The following ERC1 variants were observed in gnomAD, a reference collection of about 807,000 sequenced individuals.
ERC1 encodes RAB6 interacting protein 2.
In ERC1, 56 loss-of-function variants were observed where a neutral mutation model predicts 132.0. The observed-to-expected ratio is 0.42, with a 90% CI of 0.34 to 0.53. The LOEUF (loss-of-function observed/expected upper bound fraction) is 0.53. ERC1 is among the 20% of genes least tolerant of loss of function. ERC1 has a pLI of 0.03. For synonymous variants in ERC1, 478 were observed against 476.1 expected (o/e 1.00, Z -0.05); for missense variants, 1,202 against 1,349.9 (o/e 0.89, Z 1.72).
intron 8 of ERC1, among the ~76,000 whole-genome samples, chr12:1,173,663 A>T (rs1191893105): frequency 6.6e-6 from 1 of 152,228 alleles, no homozygotes. Context: ...GGCATAATAC[A>T]TACTGAAATA....
At chr12:1,284,899 G>C (rs917621675) in intron 14 of ERC1, among the ~76,000 whole-genome samples, 4 of 152,128 alleles carry the variant, frequency 2.6e-5, no homozygotes, top group African/African-American at 9.7e-5. Context: ...TGGCCTCCTG[G>C]AATTACAGGC....
At chr12:1,379,480 C>T (rs1411445630) in intron 16 of ERC1, among the ~76,000 whole-genome samples, 2 of 152,178 alleles carry the variant, frequency 1.3e-5, no homozygotes, top group Non-Finnish European at 2.9e-5. Flanking sequence ...TTCCAGTTTC[C>T]GCCCACTACC....
At chr12:1,003,134 A>G (rs1369916995) in intron 1 of ERC1, among the ~76,000 whole-genome samples, 1 of 150,980 alleles carries the variant, frequency 6.6e-6, no homozygotes, top group East Asian at 1.9e-4. Context: ...AAAAAAAGAG[A>G]AAAGAAATGT....
chr12:1,416,502 T>C (rs2092125021), intron 17 of ERC1, among the ~76,000 whole-genome samples: 1 of 152,200 alleles, frequency 6.6e-6, no homozygotes, highest in African/African-American at 2.4e-5. Flanking sequence ...CACACTTCTG[T>C]TTTAATATTG....
intron 17 of ERC1, among the ~76,000 whole-genome samples, chr12:1,433,813 G>T (rs73597965): frequency 6.6e-6 from 1 of 151,994 alleles, no homozygotes; most frequent in African/African-American, 2.4e-5. Context: ...ATTGTATGTT[G>T]TGTATATTTG....
At chr12:1,092,791 T>C (rs1489159993) in intron 3 of ERC1, among the ~76,000 whole-genome samples, 1 of 152,112 alleles carries the variant, frequency 6.6e-6, no homozygotes, top group African/African-American at 2.4e-5. Context: ...CAAAACCCTG[T>C]CTCTACTAAA....
chr12:1,251,138 T>C (rs1365048366), intron 13 of ERC1, among the ~76,000 whole-genome samples: 1 of 152,154 alleles, frequency 6.6e-6, no homozygotes, highest in Admixed American at 6.5e-5. Context: ...TTTCTGAGAA[T>C]GAACACTACT....
At chr12:1,032,670 A>G (rs1041138881) in intron 2 of ERC1, among the ~76,000 whole-genome samples, 1 of 152,196 alleles carries the variant, frequency 6.6e-6, no homozygotes, top group Non-Finnish European at 1.5e-5. Flanking sequence ...TGCACCAGAT[A>G]AATGTTCAAA....
chr12:1,139,596 G>A (rs879941671), intron 7 of ERC1, among the ~76,000 whole-genome samples: 2 of 152,074 alleles, frequency 1.3e-5, no homozygotes, highest in Non-Finnish European at 2.9e-5. Flanking sequence ...ATTCTTCGAC[G>A]ACAAGGGGGG....
At chr12:1,275,974 T>C (rs2078232733) in intron 14 of ERC1, among the ~76,000 whole-genome samples, 2 of 152,216 alleles carry the variant, frequency 1.3e-5, no homozygotes, top group Non-Finnish European at 2.9e-5. Flanking sequence ...TTTATAATAT[T>C]ATTCAGTTGT....
At chr12:1,248,594 G>A (rs1262557459) in intron 13 of ERC1, among the ~76,000 whole-genome samples, 1 of 152,154 alleles carries the variant, frequency 6.6e-6, no homozygotes, top group Non-Finnish European at 1.5e-5. Context: ...GACCTTATAG[G>A]CCATGAAAAG....
intron 2 of ERC1, among the ~76,000 whole-genome samples, chr12:1,051,348 G>A (rs1289688261): frequency 2.0e-5 from 3 of 151,954 alleles, no homozygotes; most frequent in East Asian, 1.9e-4. Context: ...AGACTAAGAA[G>A]CATAAATTCA....
intron 7 of ERC1, among the ~76,000 whole-genome samples, chr12:1,134,527 T>C (rs1183258533): frequency 1.3e-5 from 2 of 151,952 alleles, no homozygotes; most frequent in African/African-American, 2.4e-5. Context: ...AAAAAAATTT[T>C]TTTTTGTAGA....
chr12:1,286,321 T>C (rs1399927830), intron 14 of ERC1, among the ~76,000 whole-genome samples: 3 of 147,742 alleles, frequency 2.0e-5, no homozygotes, highest in Non-Finnish European at 4.5e-5. Flanking sequence ...AGAAAACTAA[T>C]TACTATAATC....
At chr12:1,242,248 A>G (rs59191399) in intron 13 of ERC1, among the ~76,000 whole-genome samples, 4,317 of 152,148 alleles carry the variant, frequency 0.028, 214 homozygotes, top group African/African-American at 0.098. Flanking sequence ...TTTTTCAACA[A>G]CCTTTGAAAC....
At position 1,072,578 on chromosome 12, in the gene ERC1, C is replaced by A. The variant is rs191452385; in HGVS notation, c.670-10586C>A. Among the ~76,000 whole-genome samples, 672 of 139,190 alleles carry A rather than the reference C, an allele frequency of 4.8e-3. 3 individuals are homozygous for A. Among genetic ancestry groups the A allele is most frequent in the African/African-American group, 0.016 (647 of 39,730 alleles). 91.3% of individuals were successfully genotyped at this position (139,190 alleles called of 152,430 possible). ...ATGGAAAATATTAAGGGTTTGTGTA[C>A]AAATGTTTATACTGCAGTGTTTTGC... On this transcript the variant is annotated intron_variant, in intron 2 of 18. Coordinates refer to ENST00000360905, the MANE Select transcript of ERC1 (RefSeq NM_178040.4).
At chr12:1,030,054 T>C (rs1419411288) in intron 2 of ERC1, among the ~76,000 whole-genome samples, 3 of 152,190 alleles carry the variant, frequency 2.0e-5, no homozygotes, top group Non-Finnish European at 2.9e-5. Flanking sequence ...CCCATACTTT[T>C]TGTTTAAAAG....
Position 1,098,031 on chromosome 12 carries a change from C to T in ERC1, c.1087-6719C>T, listed in dbSNP as rs531816653. Among the ~76,000 whole-genome samples the T allele has an allele frequency of 3.6e-4, 55 of 152,268 alleles. No individual in the cohort carries two copies. In the South Asian group the frequency reaches 7.1e-3, roughly 20 times the overall value. On this transcript the variant is annotated intron_variant, in intron 3 of 18. Coordinates refer to ENST00000360905, the MANE Select transcript of ERC1 (RefSeq NM_178040.4). ...TGCCCGGACCTCTGGTATTTTGCTCCGCAAAGTTTTGCAGATTAATGGGAA... is the reference window on the plus strand; with the variant it reads ...TGCCCGGACCTCTGGTATTTTGCTCTGCAAAGTTTTGCAGATTAATGGGAA...
At chr12:1,071,647 T>C (rs1055417930) in intron 2 of ERC1, among the ~76,000 whole-genome samples, 2 of 152,116 alleles carry the variant, frequency 1.3e-5, no homozygotes, top group African/African-American at 4.8e-5. Flanking sequence ...TTTATAGTGG[T>C]CTCTTTCTTT....
Sources: gnomAD v4.1 joint callset for allele counts (sites outside exome capture counted in the v4.1 genomes callset) on GRCh38, gnomAD v4.1.1 for gene constraint, MANE v1.5 for transcripts, NCBI Gene and HGNC (gene_info 2026-07-23, HGNC 2026-07-21) for gene names.